Variants in NIPSNAP3A observed in about 807,000 individuals in gnomAD.
The protein encoded by NIPSNAP3A is protein NipSnap homolog 3A.
In NIPSNAP3A, 27 loss-of-function variants were observed where a neutral mutation model predicts 32.3. The ratio of observed to expected loss-of-function variants is 0.84; its 90% confidence interval spans 0.62 to 1.15. The LOEUF is 1.15. Ranked by LOEUF, NIPSNAP3A falls within the 50% of genes most tolerant of loss-of-function variation. The probability of loss-of-function intolerance (pLI) is 0.00; values close to 1 mark genes in which losing one functional copy is unlikely to be tolerated. For missense variants in NIPSNAP3A, 278 were observed against 297.2 expected (o/e 0.94, Z 0.48); for synonymous variants, 108 against 107.3 (o/e 1.01, Z -0.04).
intron 4 of NIPSNAP3A, among the ~76,000 whole-genome samples, chr9:104,755,695 G>A (rs1417196360): frequency 2.0e-5 from 3 of 152,108 alleles, no homozygotes; most frequent in Non-Finnish European, 4.4e-5. Flanking sequence ...GCTGAGGCTG[G>A]TGGATTGCTT....
intron 3 of NIPSNAP3A, 83 bp from the exon 4 acceptor site, chr9:104,754,468 G>C: frequency 8.9e-7 from 1 of 1,123,126 alleles, no homozygotes. Context: ...TGTGTGTGTA[G>C]ATAGTGAAAG....
At position 104,747,841 on chromosome 9, in the gene NIPSNAP3A, C is replaced by G. The variant is rs765971932; in HGVS notation, c.49C>G (p.Leu17Val). 6.2e-7 allele frequency: 1 copy of G among 1,608,282 alleles called. No individual in the cohort carries two copies. Among genetic ancestry groups the G allele is most frequent in the Non-Finnish European group, 8.5e-7 (1 of 1,178,910 alleles). ...GACTCGGGCGCTGGCCTCACGGACG[C>G]TGGCGCCTCAGGTACCGGCCACGGG... ...ALTRALASRT[L>V]APQMCSSFAT... The change falls in exon 1 of 6, where the codon CTG (leucine) becomes GTG (valine). Residue 17 changes from leucine to valine, a missense_variant. Physicochemically the swap from Leu to Val is conservative, Grantham distance 32 (BLOSUM62 1). Coordinates refer to ENST00000374767, the MANE Select transcript of NIPSNAP3A (RefSeq NM_015469.3).
chr9:104,753,303 G>A (rs913219554), intron 3 of NIPSNAP3A, among the ~76,000 whole-genome samples: 1 of 152,284 alleles, frequency 6.6e-6, no homozygotes, highest in African/African-American at 2.4e-5. Context: ...AAGCTTAACT[G>A]TGTTATAGAG....
rs751868674 is a variant in NIPSNAP3A at position 104,754,553 on chromosome 9, G to A, written c.433G>A (p.Val145Ile). Residue 145 changes from valine (V) to isoleucine (I), a missense_variant and splice_region_variant, in exon 4 of 6, where the codon GTC becomes ATC. Coordinates refer to ENST00000374767, the MANE Select transcript of NIPSNAP3A (RefSeq NM_015469.3). ...CKLEKPPKEG[V>I]YELATFQMKP... ...AATTCTTTTTCTCCCTATTCCAGGA[G>A]TCTATGAACTGGCCACTTTTCAGAT... 3 of 1,613,842 alleles carry A rather than the reference G, an allele frequency of 1.9e-6. No homozygotes were observed. Among genetic ancestry groups the A allele is most frequent in the Non-Finnish European group, 2.5e-6 (3 of 1,179,952 alleles).
chr9:104,750,626 G>A (rs985385973), intron 1 of NIPSNAP3A, among the ~76,000 whole-genome samples: 13 of 152,150 alleles, frequency 8.5e-5, no homozygotes, highest in African/African-American at 2.7e-4. Flanking sequence ...CCTCTAGAGG[G>A]TACTGAAACC....
intron 1 of NIPSNAP3A, among the ~76,000 whole-genome samples, chr9:104,749,721 A>G (rs1237919227): frequency 6.6e-6 from 1 of 152,200 alleles, no homozygotes; most frequent in African/African-American, 2.4e-5. Context: ...ACCTACATAG[A>G]GGATAATCTT....
In NIPSNAP3A at chr9:104,747,765, C is replaced by T. The variant is rs772192968; in HGVS notation, c.-28C>T. 11 of 1,601,510 alleles carry T rather than the reference C, an allele frequency of 6.9e-6. No homozygotes were observed. Among genetic ancestry groups the T allele is most frequent in the Non-Finnish European group, 6.8e-6 (8 of 1,175,276 alleles). On this transcript the variant is annotated 5_prime_UTR_variant, in exon 1 of 6. Transcript: ENST00000374767. Reference sequence around the variant, plus strand: ...GGAGTCTCAGAAAGGACACGGCTGGCTGCTTTTCTCAGCGCCGAAGCCGCG... The same window carrying T: ...GGAGTCTCAGAAAGGACACGGCTGGTTGCTTTTCTCAGCGCCGAAGCCGCG...
intron 1 of NIPSNAP3A, 36 bp downstream of exon 1, chr9:104,747,888 CGGGAG>C (rs1478803028): frequency 2.8e-6 from 4 of 1,447,784 alleles, no homozygotes; most frequent in East Asian, 2.4e-5. Flanking sequence ...CTTCACCCGA[CGGGAG>C]GGGAGGGGCG....
chr9:104,759,502 A>T lies in NIPSNAP3A; in HGVS notation c.*164A>T. On this transcript the variant is annotated 3_prime_UTR_variant, in exon 6 of 6. Coordinates refer to ENST00000374767, the MANE Select transcript of NIPSNAP3A (RefSeq NM_015469.3). ...GCTACATCTGTGCTTTGTAAGTACC[A>T]CTTCAAAAAATAGTTCTGTTTACTT... 1 of 649,922 alleles carries T rather than the reference A, an allele frequency of 1.5e-6. No homozygotes were observed. The highest frequency in any genetic ancestry group is 2.6e-6 in the Non-Finnish European group (1 of 378,712). The allele number at this position is 649,922 out of a possible 1,614,324, so 40.3% of individuals were successfully genotyped here. A position where few individuals can be genotyped will look rare whatever the true frequency, so the allele number is the denominator to read the frequency against.
Position 104,753,023 on chromosome 9 carries a change from A to T in NIPSNAP3A, c.389A>T (p.Tyr130Phe), listed in dbSNP as rs1827864559. The change falls in exon 3 of 6, where the codon TAT (tyrosine) becomes TTT (phenylalanine). Residue 130 changes from tyrosine to phenylalanine, a missense_variant. By Grantham distance (22) the Tyr-to-Phe change is conservative. Transcript: ENST00000374767. ...GATAAACAAGAGAGTGAGATTACTT[A>T]TCTGGTACCATGGTGCAAATTAGAA... is the stretch of plus-strand genomic sequence containing the variant. ...LIDKQESEIT[Y>F]LVPWCKLEKP... 2 of 1,613,586 alleles carry T rather than the reference A, an allele frequency of 1.2e-6. No homozygotes were observed. Among genetic ancestry groups the T allele is most frequent in the East Asian group, 2.2e-5 (1 of 44,852 alleles).
intron 1 of NIPSNAP3A, among the ~76,000 whole-genome samples, chr9:104,750,153 GTT>G (rs1827830514): frequency 6.6e-6 from 1 of 152,118 alleles, no homozygotes; most frequent in Admixed American, 6.5e-5. Context: ...TACGTGCGTA[GTT>G]AATAAAGTTC....
intron 4 of NIPSNAP3A, among the ~76,000 whole-genome samples, chr9:104,758,031 A>G (rs1019327816): frequency 6.6e-6 from 1 of 152,152 alleles, no homozygotes; most frequent in Admixed American, 6.5e-5. Flanking sequence ...TACATCTAAC[A>G]TGTATATATT....
At position 104,747,719 on chromosome 9, in the gene NIPSNAP3A, T is replaced by G; in HGVS notation, c.-74T>G. On this transcript the variant is annotated 5_prime_UTR_variant, in exon 1 of 6. Coordinates refer to ENST00000374767, the MANE Select transcript of NIPSNAP3A (RefSeq NM_015469.3). ...GCCAATGATCCAGGAGCCGCTCCTT[T>G]CCACTCGGGAAACCTTCAGAGGAGT... The G allele has an allele frequency of 6.8e-7, 1 of 1,466,274 alleles. No homozygotes were observed. Among genetic ancestry groups the G allele is most frequent in the East Asian group, 2.4e-5 (1 of 41,252 alleles). 90.8% of individuals were successfully genotyped at this position (1,466,274 alleles called of 1,614,324 possible).
Position 104,753,067 on chromosome 9 carries a change from A to G in NIPSNAP3A, c.430+3A>G, listed in dbSNP as rs765275116. On this transcript the variant is annotated splice_donor_region_variant and intron_variant, in intron 3 of 5. Coordinates refer to ENST00000374767, the MANE Select transcript of NIPSNAP3A (RefSeq NM_015469.3). Reference sequence around the variant, plus strand: ...ATTAGAAAAACCTCCAAAAGAAGGTAAGTCCTTCCTTCTTAGTCACTGAGT... The same window carrying G: ...ATTAGAAAAACCTCCAAAAGAAGGTGAGTCCTTCCTTCTTAGTCACTGAGT... 5.0e-6 allele frequency: 8 copies of G among 1,611,354 alleles called. No homozygotes were observed. Among genetic ancestry groups the G allele is most frequent in the Non-Finnish European group, 6.8e-6 (8 of 1,177,604 alleles).
At chr9:104,755,824 T>C (rs1649849011) in intron 4 of NIPSNAP3A, among the ~76,000 whole-genome samples, 1 of 151,766 alleles carries the variant, frequency 6.6e-6, no homozygotes, top group African/African-American at 2.4e-5. Context: ...GAGGCTGAGG[T>C]GGGAGGATTG....
Position 104,747,800 on chromosome 9 carries a change from T to G in NIPSNAP3A, c.8T>G (p.Val3Gly). Residue 3 changes from valine to glycine, a missense_variant, in exon 1 of 6, where the codon GTC becomes GGC. Val to Gly is a moderately radical substitution (Grantham distance 109). Transcript: ENST00000374767. ML[V>G]LRSALTRALA... is the part of the protein sequence containing the mutation. ...CAGCGCCGAAGCCGCGCCATGCTCG[T>G]CCTCAGAAGCGCCCTGACTCGGGCG... 1 of 1,609,174 alleles carries G rather than the reference T, an allele frequency of 6.2e-7. No homozygotes were observed. The highest frequency in any genetic ancestry group is 8.5e-7 in the Non-Finnish European group (1 of 1,179,046).
At position 104,759,486 on chromosome 9, in the gene NIPSNAP3A, G is replaced by A. The variant is rs1387216990; in HGVS notation, c.*148G>A. ...TTCTTGCATTATGAAGGCTACATCTGTGCTTTGTAAGTACCACTTCAAAAA... is the reference window on the plus strand; with the variant it reads ...TTCTTGCATTATGAAGGCTACATCTATGCTTTGTAAGTACCACTTCAAAAA... On this transcript the variant is annotated 3_prime_UTR_variant, in exon 6 of 6. Coordinates refer to ENST00000374767, the MANE Select transcript of NIPSNAP3A (RefSeq NM_015469.3). 3 of 741,988 alleles carry A rather than the reference G, an allele frequency of 4.0e-6. No individual in the cohort carries two copies. The highest frequency in any genetic ancestry group is 4.5e-6 in the Non-Finnish European group (2 of 449,136). The allele number at this position is 741,988 out of a possible 1,614,324, so 46.0% of individuals were successfully genotyped here.
chr9:104,756,127 A>T (rs1260004934), intron 4 of NIPSNAP3A, among the ~76,000 whole-genome samples: 1 of 152,222 alleles, frequency 6.6e-6, no homozygotes, highest in Non-Finnish European at 1.5e-5. Flanking sequence ...ACAGATGTAT[A>T]TTCAGGTTGG....
At chr9:104,753,549 A>G (rs1483612159) in intron 3 of NIPSNAP3A, 1 of 153,898 alleles carries the variant, frequency 6.5e-6, no homozygotes, top group Non-Finnish European at 1.4e-5. Flanking sequence ...ATATTACTTT[A>G]ATCTAACTTT....
Sources: gnomAD v4.1 joint callset for allele counts (sites outside exome capture counted in the v4.1 genomes callset) on GRCh38, gnomAD v4.1.1 for gene constraint, MANE v1.5 for transcripts, NCBI Gene and HGNC (gene_info 2026-07-23, HGNC 2026-07-21) for gene names.